KALRN: variants seen among roughly 807,000 people sequenced by gnomAD.
KALRN encodes kalirin.
In KALRN, 70 loss-of-function variants were observed where a neutral mutation model predicts 353.7. The observed-to-expected ratio is 0.20, with a 90% CI of 0.16 to 0.24. The LOEUF (loss-of-function observed/expected upper bound fraction) is 0.24, where lower values mean the gene tolerates loss of function less well. KALRN is among the 10% of genes least tolerant of loss of function. KALRN has a pLI of 1.00. For synonymous variants in KALRN, 1,391 were observed against 1,434.8 expected, an observed-to-expected ratio of 0.97 and a Z score of 0.69; for missense variants, 2,791 against 3,756.7, an observed-to-expected ratio of 0.74 and a Z score of 6.72.
intron 1 of KALRN, among the ~76,000 whole-genome samples, chr3:124,160,077 A>C (rs1010693336): frequency 1.3e-5 from 2 of 151,658 alleles, no homozygotes; most frequent in African/African-American, 4.8e-5. Context: ...TATCTATCTG[A>C]AATCTTAGAA....
chr3:124,086,466 A>G (rs758441508), intron 1 of KALRN, among the ~76,000 whole-genome samples: 12 of 151,962 alleles, frequency 7.9e-5, no homozygotes, highest in Non-Finnish European at 1.6e-4. Context: ...TCAGTCATTT[A>G]TATTTCCTTA....
chr3:124,444,847 G>T (rs2150648476), intron 19 of KALRN, among the ~76,000 whole-genome samples: 1 of 148,892 alleles, frequency 6.7e-6, no homozygotes, highest in Non-Finnish European at 1.5e-5. Flanking sequence ...GAGAGAGAAA[G>T]AAAAAAAAGC....
chr3:124,419,703 G>A lies in KALRN; in HGVS notation c.2543-3109G>A, dbSNP rs943935944. On this transcript the variant is annotated intron_variant, in intron 14 of 59. Transcript: ENST00000682506. ...AAGTTAATAAGGAACCAACCTCAAT[G>A]GAAGTGTTCTGATTGGAGTATGGGC... 5.9e-5 allele frequency among the ~76,000 whole-genome samples: 9 copies of A among 152,176 alleles called. 1 individual carries two copies. The highest frequency in any genetic ancestry group is 1.7e-4 in the African/African-American group (7 of 41,434).
chr3:124,580,463 C>A (rs769865823), intron 34 of KALRN, among the ~76,000 whole-genome samples: 1 of 152,146 alleles, frequency 6.6e-6, no homozygotes. Context: ...TTAAATGCTT[C>A]CCTCCTGATT....
chr3:124,632,158 G>A (rs1195933399), intron 34 of KALRN, among the ~76,000 whole-genome samples: 5 of 152,162 alleles, frequency 3.3e-5, no homozygotes, highest in Non-Finnish European at 7.3e-5. Flanking sequence ...CCACCAGAAT[G>A]TAAACTCCGC....
At chr3:124,371,719 A>G (rs116187494) in intron 10 of KALRN, among the ~76,000 whole-genome samples, 1,524 of 152,296 alleles carry the variant, frequency 0.01, 30 homozygotes, top group African/African-American at 0.034. Context: ...GTTTTGATAC[A>G]GGCATGCAAT....
At position 124,338,465 on chromosome 3, in the gene KALRN, C is replaced by T. The variant is rs57459056; in HGVS notation, c.1647+3970C>T. Among the ~76,000 whole-genome samples the T allele has an allele frequency of 2.3e-3, 357 of 152,254 alleles. 1 individual carries two copies. Among genetic ancestry groups the T allele is most frequent in the African/African-American group, 8.3e-3 (346 of 41,542 alleles). On this transcript the variant is annotated intron_variant, in intron 9 of 59. Coordinates refer to ENST00000682506, the MANE Select transcript of KALRN (RefSeq NM_001388419.1). ...GTGGTTTTGAGTGAGCTTCTTAATCCTGAGTTCTAATTTGATTGGACTGTT... is the reference window on the plus strand; with the variant it reads ...GTGGTTTTGAGTGAGCTTCTTAATCTTGAGTTCTAATTTGATTGGACTGTT...
chr3:124,402,183 A>C (rs1483638738), intron 13 of KALRN, among the ~76,000 whole-genome samples: 1 of 152,230 alleles, frequency 6.6e-6, no homozygotes, highest in Admixed American at 6.5e-5. Flanking sequence ...ATAGCACATG[A>C]GCTGCTGCAC....
At chr3:124,668,047 C>T (rs11714180) in intron 47 of KALRN, among the ~76,000 whole-genome samples, 1 of 22,802 alleles carries the variant, frequency 4.4e-5, no homozygotes, top group Admixed American at 3.8e-4. Context: ...TATCGAGACA[C>T]ACACACACAC....
At chr3:124,195,199 ACTT>A (rs1215972879) in intron 1 of KALRN, among the ~76,000 whole-genome samples, 2 of 152,122 alleles carry the variant, frequency 1.3e-5, no homozygotes, top group Non-Finnish European at 2.9e-5. Context: ...TCATTAATGA[ACTT>A]CTCTCCTGGA....
At chr3:124,065,738 G>A (rs899372551) in intron 1 of KALRN, among the ~76,000 whole-genome samples, 4 of 151,962 alleles carry the variant, frequency 2.6e-5, no homozygotes, top group Non-Finnish European at 4.4e-5. Context: ...TCTTTAAAAT[G>A]AGATGAGATA....
chr3:124,688,393 C>T (rs1171792672), intron 51 of KALRN, among the ~76,000 whole-genome samples: 1 of 150,456 alleles, frequency 6.6e-6, no homozygotes, highest in Non-Finnish European at 1.5e-5. Flanking sequence ...AGATTGAAAA[C>T]ACGAAGGGTT....
chr3:124,500,659 A>G (rs1036991908), intron 33 of KALRN, among the ~76,000 whole-genome samples: 9 of 152,210 alleles, frequency 5.9e-5, no homozygotes, highest in Non-Finnish European at 1.3e-4. Flanking sequence ...CTTTTGTTCA[A>G]TACTTAAATG....
intron 1 of KALRN, among the ~76,000 whole-genome samples, chr3:124,205,690 G>A (rs2076351143): frequency 6.6e-6 from 1 of 152,110 alleles, no homozygotes; most frequent in African/African-American, 2.4e-5. Flanking sequence ...TGAAAAACAA[G>A]GTCAAATATT....
chr3:124,414,472 T>C (rs943463634), intron 14 of KALRN, among the ~76,000 whole-genome samples: 8 of 152,236 alleles, frequency 5.3e-5, no homozygotes, highest in Non-Finnish European at 8.8e-5. Flanking sequence ...ACAGTGATGA[T>C]AAAAATTTAT....
At chr3:124,635,359 C>T (rs559823618) in intron 36 of KALRN, among the ~76,000 whole-genome samples, 7 of 152,346 alleles carry the variant, frequency 4.6e-5, no homozygotes, top group African/African-American at 1.4e-4. Context: ...CCTTCTCTCT[C>T]TAATTCCCTC....
intron 33 of KALRN, among the ~76,000 whole-genome samples, chr3:124,532,939 G>GA (rs200277059): frequency 0.021 from 2,701 of 131,354 alleles, 25 homozygotes; most frequent in Middle Eastern, 0.04. Flanking sequence ...ACTTTTATGG[G>GA]AAAAAAAAAA....
intron 33 of KALRN, among the ~76,000 whole-genome samples, chr3:124,530,874 G>A (rs902248675): frequency 6.6e-6 from 1 of 151,978 alleles, no homozygotes. Flanking sequence ...CAATTCAATC[G>A]AGAACAAAAG....
intron 6 of KALRN, among the ~76,000 whole-genome samples, chr3:124,310,359 C>T (rs1190297658): frequency 6.6e-6 from 1 of 152,114 alleles, no homozygotes; most frequent in Non-Finnish European, 1.5e-5. Flanking sequence ...ATCTATAAAT[C>T]CAGTATATCT....
Sources: gnomAD v4.1 joint callset for allele counts (sites outside exome capture counted in the v4.1 genomes callset) on GRCh38, gnomAD v4.1.1 for gene constraint, MANE v1.5 for transcripts, NCBI Gene and HGNC (gene_info 2026-07-23, HGNC 2026-07-21) for gene names.